Variants in PPM1L observed in about 807,000 individuals in gnomAD.
The protein encoded by PPM1L is protein phosphatase 1L.
Under a neutral mutation model 31.4 loss-of-function variants are expected in PPM1L, and 13 were observed. The ratio of observed to expected loss-of-function variants is 0.41; its 90% confidence interval spans 0.27 to 0.66. The LOEUF (loss-of-function observed/expected upper bound fraction) is 0.66. PPM1L is among the 30% of genes least tolerant of loss of function. The pLI, the probability that PPM1L is intolerant of heterozygous loss-of-function variation, is 0.29. For synonymous variants in PPM1L, 184 were observed against 175.4 expected (o/e 1.05, Z -0.39); for missense variants, 326 against 453.7 (o/e 0.72, Z 2.56).
intron 1 of PPM1L, among the ~76,000 whole-genome samples, chr3:160,844,797 TTA>T (rs1286847405): frequency 2.6e-5 from 4 of 152,074 alleles, no homozygotes; most frequent in Non-Finnish European, 5.9e-5. Flanking sequence ...TCAATAGTTT[TTA>T]GTTAGGTTCA....
intron 2 of PPM1L, among the ~76,000 whole-genome samples, chr3:160,981,558 A>G (rs1716797655): frequency 6.6e-6 from 1 of 152,086 alleles, no homozygotes; most frequent in African/African-American, 2.4e-5. Flanking sequence ...CAAACAAACC[A>G]ACCCTAATTT....
intron 1 of PPM1L, among the ~76,000 whole-genome samples, chr3:160,835,698 A>G (rs1054072394): frequency 2.0e-5 from 3 of 152,038 alleles, no homozygotes; most frequent in Non-Finnish European, 2.9e-5. Flanking sequence ...TGTATTGACC[A>G]TGTTGCCATC....
intron 1 of PPM1L, among the ~76,000 whole-genome samples, chr3:160,767,545 A>C (rs74752517): frequency 0.024 from 3,654 of 152,224 alleles, 156 homozygotes; most frequent in African/African-American, 0.084. Flanking sequence ...TGTGTGTCTT[A>C]GTTTCTAAAT....
intron 1 of PPM1L, among the ~76,000 whole-genome samples, chr3:160,820,337 T>G (rs1173944433): frequency 6.6e-6 from 1 of 152,110 alleles, no homozygotes; most frequent in African/African-American, 2.4e-5. Flanking sequence ...AATCTCAAAA[T>G]TTTTATTTCA....
At chr3:160,796,022 A>C (rs897168040) in intron 1 of PPM1L, among the ~76,000 whole-genome samples, 1 of 152,212 alleles carries the variant, frequency 6.6e-6, no homozygotes, top group Non-Finnish European at 1.5e-5. Context: ...CATGGAACCA[A>C]CCAGCAACCA....
At chr3:160,967,102 G>C (rs1716174999) in intron 2 of PPM1L, among the ~76,000 whole-genome samples, 1 of 151,848 alleles carries the variant, frequency 6.6e-6, no homozygotes, top group South Asian at 2.1e-4. Flanking sequence ...TTGTGGTAGT[G>C]AATAAATCAC....
intron 2 of PPM1L, among the ~76,000 whole-genome samples, chr3:161,063,546 G>T (rs1349873306): frequency 6.6e-6 from 1 of 151,906 alleles, no homozygotes; most frequent in African/African-American, 2.4e-5. Context: ...AGAATTCAGT[G>T]TTGTTGTTTT....
intron 1 of PPM1L, among the ~76,000 whole-genome samples, chr3:160,847,944 T>A (rs1714132599): frequency 6.6e-6 from 1 of 152,154 alleles, no homozygotes; most frequent in African/African-American, 2.4e-5. Flanking sequence ...TGTTTCTGAC[T>A]CTGTCCTCTG....
chr3:160,940,423 C>G (rs367834308), intron 1 of PPM1L, among the ~76,000 whole-genome samples: 193 of 152,322 alleles, frequency 1.3e-3, no homozygotes, highest in African/African-American at 4.4e-3. Flanking sequence ...CCTCCCATCA[C>G]AGGCCTGGAG....
At chr3:160,764,874 A>G (rs181730930) in intron 1 of PPM1L, among the ~76,000 whole-genome samples, 85 of 152,232 alleles carry the variant, frequency 5.6e-4, no homozygotes, top group African/African-American at 2.0e-3. Context: ...TTATTTGTAT[A>G]CACTTAGGCT....
intron 1 of PPM1L, among the ~76,000 whole-genome samples, chr3:160,880,686 A>G (rs1436094934): frequency 6.6e-6 from 1 of 152,152 alleles, no homozygotes; most frequent in African/African-American, 2.4e-5. Flanking sequence ...TCAAATACCA[A>G]TACAGGCAGA....
intron 2 of PPM1L, among the ~76,000 whole-genome samples, chr3:161,048,374 A>C (rs1020914709): frequency 1.3e-5 from 2 of 152,224 alleles, no homozygotes. Context: ...TCAAAACCAC[A>C]ATGCGATACC....
intron 1 of PPM1L, among the ~76,000 whole-genome samples, chr3:160,833,067 G>A (rs1713570455): frequency 1.3e-5 from 2 of 152,156 alleles, no homozygotes; most frequent in African/African-American, 4.8e-5. Context: ...ATGTCTTCCA[G>A]CTTCATCCAT....
At chr3:160,766,680 T>G (rs1229539929) in intron 1 of PPM1L, among the ~76,000 whole-genome samples, 2 of 150,956 alleles carry the variant, frequency 1.3e-5, no homozygotes, top group African/African-American at 4.9e-5. Context: ...ACTAATACAA[T>G]ATAATATTGT....
chr3:160,920,635 A>ACT (rs1714369539), intron 1 of PPM1L, among the ~76,000 whole-genome samples: 1 of 94,066 alleles, frequency 1.1e-5, no homozygotes, highest in Admixed American at 1.1e-4. Context: ...ACACACACAC[A>ACT]CACTCACACA....
chr3:160,918,775 A>G (rs1714279828), intron 1 of PPM1L, among the ~76,000 whole-genome samples: 1 of 152,216 alleles, frequency 6.6e-6, no homozygotes, highest in African/African-American at 2.4e-5. Context: ...TCATGGATCT[A>G]GTAACTAATA....
At chr3:160,769,792 T>C (rs1576629630) in intron 1 of PPM1L, among the ~76,000 whole-genome samples, 2 of 152,278 alleles carry the variant, frequency 1.3e-5, no homozygotes, top group African/African-American at 4.8e-5. Context: ...TTATTAGATA[T>C]TGTAAGTGTT....
At chr3:161,006,907 C>T (rs1249806221) in intron 2 of PPM1L, among the ~76,000 whole-genome samples, 1 of 152,154 alleles carries the variant, frequency 6.6e-6, no homozygotes, top group African/African-American at 2.4e-5. Flanking sequence ...TGGTCTCGAT[C>T]TCCTGACCTC....
chr3:160,886,637 A>G (rs1712926183), intron 1 of PPM1L, among the ~76,000 whole-genome samples: 1 of 152,208 alleles, frequency 6.6e-6, no homozygotes, highest in African/African-American at 2.4e-5. Flanking sequence ...CCATTGAAAG[A>G]AAGACAACAG....
Sources: allele counts gnomAD v4.1 joint callset (sites outside exome capture counted in the v4.1 genomes callset), GRCh38; gene constraint gnomAD v4.1.1; transcripts MANE v1.5; gene names NCBI Gene and HGNC (gene_info 2026-07-23, HGNC 2026-07-21).